Variants in PHKB observed in about 807,000 individuals in gnomAD.
The protein encoded by PHKB is phosphorylase b kinase regulatory subunit beta.
PHKB carries 122 observed loss-of-function variants against 152.1 expected under a neutral mutation model. That is an observed-to-expected ratio of 0.80 (90% CI 0.69 to 0.93). PHKB has a LOEUF of 0.93. Among genes scored for constraint, PHKB ranks in the 40% least tolerant of loss-of-function variants. The pLI, the probability that PHKB is intolerant of heterozygous loss-of-function variation, is 0.00. For synonymous variants in PHKB, 436 were observed against 464.9 expected (o/e 0.94, Z 0.80); for missense variants, 1,304 against 1,328.4 (o/e 0.98, Z 0.29).
intron 1 of PHKB, among the ~76,000 whole-genome samples, chr16:47,489,680 A>G (rs1455864094): frequency 1.3e-5 from 2 of 152,222 alleles, no homozygotes; most frequent in Non-Finnish European, 2.9e-5. Context: ...TTTACTGACC[A>G]TGGGTTAGGA....
chr16:47,668,095 G>A (rs939264737), intron 25 of PHKB, among the ~76,000 whole-genome samples: 2 of 152,124 alleles, frequency 1.3e-5, no homozygotes, highest in Admixed American at 6.5e-5. Context: ...ATTTTTACTC[G>A]TGCGTTATTC....
chr16:47,573,175 A>G (rs1182555156), intron 7 of PHKB, among the ~76,000 whole-genome samples: 5 of 152,186 alleles, frequency 3.3e-5, no homozygotes, highest in Admixed American at 2.6e-4. Context: ...GTGAAGTGGC[A>G]CTAGCAGGAG....
intron 7 of PHKB, chr16:47,547,887 G>C: frequency 3.2e-6 from 1 of 317,238 alleles, no homozygotes; most frequent in Non-Finnish European, 6.0e-6. Flanking sequence ...GAAATGTCAA[G>C]TACATTAAAA....
At chr16:47,674,965 C>G (rs957027233) in intron 26 of PHKB, among the ~76,000 whole-genome samples, 1 of 152,182 alleles carries the variant, frequency 6.6e-6, no homozygotes, top group African/African-American at 2.4e-5. Flanking sequence ...GAATTTTATT[C>G]CCATTTCTGC....
chr16:47,538,243 T>C (rs1420292964), intron 6 of PHKB, among the ~76,000 whole-genome samples: 2 of 152,188 alleles, frequency 1.3e-5, no homozygotes, highest in Non-Finnish European at 2.9e-5. Flanking sequence ...TATTTTCTGT[T>C]GTGTTATAAA....
intron 29 of PHKB, 54 bp from the exon 30 acceptor site, chr16:47,698,394 A>AAC: frequency 7.3e-7 from 1 of 1,366,474 alleles, no homozygotes; most frequent in Non-Finnish European, 1.0e-6. Context: ...AAAGGGTGAA[A>AAC]ACATGTCACT....
chr16:47,605,803 T>C (rs950730421), intron 13 of PHKB, among the ~76,000 whole-genome samples: 8 of 152,230 alleles, frequency 5.3e-5, no homozygotes, highest in Non-Finnish European at 1.0e-4. Context: ...AATAGTTTTT[T>C]TTATTTCATC....
intron 26 of PHKB, among the ~76,000 whole-genome samples, chr16:47,684,787 A>G (rs1973932989): frequency 1.3e-5 from 2 of 152,172 alleles, no homozygotes; most frequent in African/African-American, 4.8e-5. Context: ...AAAAAAAAAA[A>G]AGAGTGTTTT....
At chr16:47,526,049 G>T (rs926602217) in intron 6 of PHKB, among the ~76,000 whole-genome samples, 5 of 152,060 alleles carry the variant, frequency 3.3e-5, no homozygotes, top group South Asian at 2.1e-4. Flanking sequence ...AGTGGTTGGG[G>T]TATAGATCTG....
chr16:47,664,970 A>C lies in PHKB; in HGVS notation c.2422A>C (p.Lys808Gln). The C allele has an allele frequency of 1.2e-6, 2 of 1,604,324 alleles. No homozygotes were observed. The highest frequency in any genetic ancestry group is 1.7e-6 in the Non-Finnish European group (2 of 1,171,158). The change falls in exon 25 of 31, where the codon AAA becomes CAA. Residue 808 changes from lysine (K) to glutamine (Q), a missense_variant. By Grantham distance (53) the Lys-to-Gln change is moderately conservative. Coordinates refer to ENST00000323584, the MANE Select transcript of PHKB (RefSeq NM_000293.3). ...PHITTFLVHGKQVTLGAFGHE... is the reference protein window; with the variant it reads ...PHITTFLVHGQQVTLGAFGHE... ...CATTACTACTTTTCTGGTACATGGG[A>C]AACAGGTAACATGCACAGAATTTGA...
At chr16:47,497,180 T>C (rs1213596755) in intron 1 of PHKB, among the ~76,000 whole-genome samples, 3 of 152,206 alleles carry the variant, frequency 2.0e-5, no homozygotes, top group South Asian at 2.1e-4. Flanking sequence ...AGGGTGGGAA[T>C]ATCCCATGAC....
At chr16:47,461,874 T>G (rs1341900328) in intron 1 of PHKB, among the ~76,000 whole-genome samples, 1 of 152,160 alleles carries the variant, frequency 6.6e-6, no homozygotes, top group African/African-American at 2.4e-5. Context: ...GCTCCTTGCT[T>G]TATGTCTTAT....
intron 4 of PHKB, among the ~76,000 whole-genome samples, chr16:47,507,562 T>A (rs1970441613): frequency 6.6e-6 from 1 of 151,362 alleles, no homozygotes; most frequent in Non-Finnish European, 1.5e-5. Flanking sequence ...CTCACTATAT[T>A]GCCCAAGCTG....
At chr16:47,514,728 G>A (rs189456556) in intron 5 of PHKB, among the ~76,000 whole-genome samples, 3 of 152,288 alleles carry the variant, frequency 2.0e-5, no homozygotes, top group Admixed American at 1.3e-4. Context: ...ACCACACAGG[G>A]TTGTGCCTGT....
At position 47,700,354 on chromosome 16, in the gene PHKB, AAAAAAAAAAAAAG is replaced by A. The variant is rs1483866606; in HGVS notation, c.*994_*1006del. On this transcript the variant is annotated 3_prime_UTR_variant, in exon 31 of 31. Coordinates refer to ENST00000323584, the MANE Select transcript of PHKB (RefSeq NM_000293.3). ...ACAGAGCGAGACTCCATCTCAAAAA[AAAAAAAAAAAAAG>A]AAAAAGAAAAAAATATGTTAAATTT... 6.6e-6 allele frequency: 1 copy of A among 151,440 alleles called. No individual in the cohort carries two copies. Among genetic ancestry groups the A allele is most frequent in the Non-Finnish European group, 1.5e-5 (1 of 67,860 alleles). 9.4% of individuals were successfully genotyped at this position (151,440 alleles called of 1,614,324 possible).
At chr16:47,602,665 T>G (rs1972251885) in intron 13 of PHKB, among the ~76,000 whole-genome samples, 1 of 152,042 alleles carries the variant, frequency 6.6e-6, no homozygotes, top group East Asian at 1.9e-4. Flanking sequence ...ATCTGCCACT[T>G]ACTACCTGTG....
At chr16:47,464,106 C>G (rs1395286779) in intron 1 of PHKB, 1 of 776,272 alleles carries the variant, frequency 1.3e-6, no homozygotes, top group Non-Finnish European at 2.3e-6. Context: ...TTGGTGGGCC[C>G]AGGCCTGAGT....
At chr16:47,627,386 C>A (rs574067570) in intron 14 of PHKB, among the ~76,000 whole-genome samples, 44 of 152,282 alleles carry the variant, frequency 2.9e-4, no homozygotes, top group African/African-American at 1.0e-3. Flanking sequence ...ATAGAAACAC[C>A]AGTTACAGCA....
chr16:47,659,326 C>T (rs1270044863), intron 20 of PHKB, among the ~76,000 whole-genome samples: 1 of 152,174 alleles, frequency 6.6e-6, no homozygotes, highest in African/African-American at 2.4e-5. Context: ...TCCCTGTGTC[C>T]TGTTTCTTCA....
Sources: allele counts gnomAD v4.1 joint callset (sites outside exome capture counted in the v4.1 genomes callset), GRCh38; gene constraint gnomAD v4.1.1; transcripts MANE v1.5; gene names NCBI Gene and HGNC (gene_info 2026-07-23, HGNC 2026-07-21).